BMP6: variants seen among roughly 807,000 people sequenced by gnomAD.
BMP6 encodes bone morphogenetic protein 6.
A neutral mutation model predicts 54.1 loss-of-function variants in BMP6; 17 were observed. That is an observed-to-expected ratio of 0.31 (90% CI 0.22 to 0.47). The LOEUF (loss-of-function observed/expected upper bound fraction) is 0.47, where lower values mean the gene tolerates loss of function less well. Among genes scored for constraint, BMP6 ranks in the 20% least tolerant of loss-of-function variants. BMP6 has a pLI of 1.00. For synonymous variants in BMP6, 328 were observed against 291.2 expected, an observed-to-expected ratio of 1.13 and a Z score of -1.28; for missense variants, 720 against 690.4, an observed-to-expected ratio of 1.04 and a Z score of -0.48.
At chr6:7,757,359 T>G (rs1172950384) in intron 1 of BMP6, among the ~76,000 whole-genome samples, 2 of 152,196 alleles carry the variant, frequency 1.3e-5, no homozygotes, top group Admixed American at 6.5e-5. Context: ...GAGCTTCTGG[T>G]GTTGCTGGCA....
intron 1 of BMP6, among the ~76,000 whole-genome samples, chr6:7,818,341 G>C (rs1299393178): frequency 6.6e-6 from 1 of 151,788 alleles, no homozygotes; most frequent in Non-Finnish European, 1.5e-5. Context: ...TGAAAAAACA[G>C]AAAAGATTTT....
intron 1 of BMP6, among the ~76,000 whole-genome samples, chr6:7,806,197 C>A (rs1386573328): frequency 6.6e-6 from 1 of 152,234 alleles, no homozygotes; most frequent in East Asian, 1.9e-4. Context: ...CTGAGACTTT[C>A]CCTCACCCTC....
At chr6:7,839,769 T>A (rs1048721199) in intron 1 of BMP6, among the ~76,000 whole-genome samples, 2 of 152,240 alleles carry the variant, frequency 1.3e-5, no homozygotes, top group African/African-American at 4.8e-5. Context: ...GCCATGAACA[T>A]GAGTGTACAA....
chr6:7,862,381 T>G lies in BMP6; in HGVS notation c.1087T>G (p.Phe363Val), dbSNP rs1368914233. The G allele has an allele frequency of 1.2e-6, 2 of 1,614,192 alleles. No individual in the cohort carries two copies. Among genetic ancestry groups the G allele is most frequent in the East Asian group, 2.2e-5 (1 of 44,886 alleles). The change falls in exon 4 of 7, where the codon TTC becomes GTC. Residue 363 changes from phenylalanine to valine, a missense_variant. Coordinates refer to ENST00000283147, the MANE Select transcript of BMP6 (RefSeq NM_001718.6). Reference protein sequence around the residue: ...YDKQPFMVAFFKVSEVHVRTT... With the variant: ...YDKQPFMVAFVKVSEVHVRTT... ...CAAGCAGCCCTTCATGGTGGCTTTC[T>G]TCAAAGTGAGTGAGGTGCACGTGCG...
At chr6:7,865,237 T>C (rs1442156546) in intron 4 of BMP6, among the ~76,000 whole-genome samples, 1 of 152,156 alleles carries the variant, frequency 6.6e-6, no homozygotes, top group East Asian at 1.9e-4. Context: ...ATCTAATTAG[T>C]AATAGGTGCA....
chr6:7,804,020 T>C (rs1758310474), intron 1 of BMP6, among the ~76,000 whole-genome samples: 1 of 152,212 alleles, frequency 6.6e-6, no homozygotes, highest in Non-Finnish European at 1.5e-5. Context: ...CTTTTTGACA[T>C]GCAAAGTTGG....
intron 2 of BMP6, among the ~76,000 whole-genome samples, chr6:7,858,393 C>T (rs183886629): frequency 5.9e-5 from 9 of 152,222 alleles, no homozygotes; most frequent in African/African-American, 1.4e-4. Context: ...CCTTCCCAAC[C>T]GGTGATTTTT....
intron 1 of BMP6, among the ~76,000 whole-genome samples, chr6:7,837,972 T>G (rs1290605804): frequency 1.3e-5 from 2 of 152,104 alleles, no homozygotes; most frequent in African/African-American, 4.8e-5. Flanking sequence ...TACAGATAAG[T>G]CTGCCAGATT....
chr6:7,734,872 A>G (rs1270243196), intron 1 of BMP6, among the ~76,000 whole-genome samples: 2 of 152,290 alleles, frequency 1.3e-5, no homozygotes, highest in East Asian at 3.9e-4. Context: ...TCCTTCAAAC[A>G]TTTTTGCAGG....
intron 1 of BMP6, among the ~76,000 whole-genome samples, chr6:7,831,739 A>G (rs13192135): frequency 0.068 from 10,399 of 152,260 alleles, 641 homozygotes; most frequent in African/African-American, 0.16. Flanking sequence ...CAACAAACCC[A>G]GACAGATGTG....
chr6:7,791,373 ATCT>A (rs1758104533), intron 1 of BMP6, among the ~76,000 whole-genome samples: 3 of 152,122 alleles, frequency 2.0e-5, no homozygotes, highest in South Asian at 2.1e-4. Flanking sequence ...TCATTGCCAC[ATCT>A]TCTTCCTGTG....
chr6:7,771,112 A>AT (rs904860832), intron 1 of BMP6, among the ~76,000 whole-genome samples: 1 of 152,100 alleles, frequency 6.6e-6, no homozygotes, highest in Non-Finnish European at 1.5e-5. Flanking sequence ...TCTGATTTTT[A>AT]TTTTTTACCT....
At chr6:7,861,003 T>A (rs1561794343) in intron 2 of BMP6, among the ~76,000 whole-genome samples, 1 of 151,600 alleles carries the variant, frequency 6.6e-6, no homozygotes, top group Non-Finnish European at 1.5e-5. Flanking sequence ...GTATCATAAA[T>A]AAATTTTTAA....
intron 1 of BMP6, among the ~76,000 whole-genome samples, chr6:7,842,977 G>GT (rs1180202526): frequency 2.6e-5 from 4 of 152,176 alleles, no homozygotes; most frequent in African/African-American, 7.2e-5. Flanking sequence ...CTGTGTGACT[G>GT]TTTTTTAGAA....
At position 7,727,189 on chromosome 6, in the gene BMP6, G is replaced by A. The variant is rs774488996; in HGVS notation, c.234G>A (p.Glu78=). The A allele has an allele frequency of 5.0e-6, 8 of 1,602,612 alleles. No individual in the cohort carries two copies. Among genetic ancestry groups the A allele is most frequent in the South Asian group, 1.1e-5 (1 of 90,076 alleles). ...YRRLKTQEKR[E]MQKEILSVLG... The stretch of plus-strand genomic sequence containing the variant: ...GGCTCAAGACGCAGGAGAAGCGGGA[G>A]ATGCAGAAGGAGATCTTGTCGGTGC... Residue 78 remains glutamate, a synonymous_variant, in exon 1 of 7, where the codon GAG becomes GAA. Coordinates refer to ENST00000283147, the MANE Select transcript of BMP6 (RefSeq NM_001718.6).
At chr6:7,756,891 A>AT (rs1561761409) in intron 1 of BMP6, among the ~76,000 whole-genome samples, 1 of 151,992 alleles carries the variant, frequency 6.6e-6, no homozygotes. Flanking sequence ...TAAACTGGTA[A>AT]TTTTTTTTCC....
At chr6:7,775,998 T>C (rs745323057) in intron 1 of BMP6, among the ~76,000 whole-genome samples, 14 of 152,226 alleles carry the variant, frequency 9.2e-5, no homozygotes, top group Non-Finnish European at 1.5e-4. Flanking sequence ...TGAATGCACT[T>C]GATCTCGTTA....
In BMP6 at chr6:7,839,081, A is replaced by G. The variant is rs149786590; in HGVS notation, c.665-6059A>G. Among the ~76,000 whole-genome samples the G allele has an allele frequency of 5.8e-3, 883 of 152,280 alleles. 42 individuals carry two copies. The highest frequency in any genetic ancestry group is 0.053 in the Admixed American group (818 of 15,304). The stretch of plus-strand genomic sequence containing the variant: ...TTAAGAGGTAGAATAATCAAGTGTC[A>G]TGAGTGAACACTGGCTCCTGATTTC... On this transcript the variant is annotated intron_variant, in intron 1 of 6. Coordinates refer to ENST00000283147, the MANE Select transcript of BMP6 (RefSeq NM_001718.6).
intron 1 of BMP6, among the ~76,000 whole-genome samples, chr6:7,833,370 T>C (rs1482514088): frequency 2.6e-5 from 4 of 151,698 alleles, no homozygotes; most frequent in Non-Finnish European, 5.9e-5. Context: ...GCAACAAGAG[T>C]TGATGATTAA....
Sources: gnomAD v4.1 joint callset for allele counts (sites outside exome capture counted in the v4.1 genomes callset) on GRCh38, gnomAD v4.1.1 for gene constraint, MANE v1.5 for transcripts, NCBI Gene and HGNC (gene_info 2026-07-23, HGNC 2026-07-21) for gene names.